Variants in SPICE1 observed in about 807,000 individuals in gnomAD.
SPICE1 encodes the protein spindle and centriole-associated protein 1.
A neutral mutation model predicts 102.7 loss-of-function variants in SPICE1; 75 were observed. The ratio of observed to expected loss-of-function variants is 0.73; its 90% CI spans 0.61 to 0.88. The LOEUF (loss-of-function observed/expected upper bound fraction) is 0.88. Among genes scored for constraint, SPICE1 ranks in the 40% least tolerant of loss-of-function variants. SPICE1 has a pLI of 0.00. For missense variants in SPICE1, 979 were observed against 1,020.1 expected, an observed-to-expected ratio of 0.96 and a Z score of 0.55; for synonymous variants, 308 against 350.3, an observed-to-expected ratio of 0.88 and a Z score of 1.35.
At chr3:113,467,569 T>C (rs532996785) in intron 10 of SPICE1, among the ~76,000 whole-genome samples, 128 of 152,342 alleles carry the variant, frequency 8.4e-4, no homozygotes, top group African/African-American at 2.8e-3. Flanking sequence ...GCTGGGATTA[T>C]AGGTTATAGG....
chr3:113,469,487 T>G (rs1052874884), intron 7 of SPICE1, among the ~76,000 whole-genome samples: 5 of 146,730 alleles, frequency 3.4e-5, no homozygotes, highest in African/African-American at 1.2e-4. Flanking sequence ...ATAAAATATA[T>G]TCTATATTAC....
chr3:113,485,176 GTT>G (rs1422898555), intron 7 of SPICE1, among the ~76,000 whole-genome samples: 5 of 139,526 alleles, frequency 3.6e-5, no homozygotes, highest in Admixed American at 7.2e-5. Context: ...AGTTTTGTTT[GTT>G]TTTTTTTTTT....
chr3:113,494,058 T>A lies in SPICE1; in HGVS notation c.376A>T (p.Arg126Trp). 6.2e-7 allele frequency: 1 copy of A among 1,609,892 alleles called. No individual in the cohort carries two copies. Among genetic ancestry groups the A allele is most frequent in the Non-Finnish European group, 8.5e-7 (1 of 1,178,062 alleles). Residue 126 changes from arginine to tryptophan, a missense_variant, in exon 5 of 18, where the codon AGG becomes TGG. Arg to Trp is a moderately radical substitution (Grantham distance 101). Transcript: ENST00000295872. ...TGTTTGAATTGAATACCTGTGCGCC[T>A]ACGAGGAAACAGCTCTTTTGCTGCA... Reference protein sequence around the residue: ...IAAAKELFPRRRTGFPNVTVA... With the variant: ...IAAAKELFPRWRTGFPNVTVA...
At chr3:113,445,612 A>T (rs1251452097) in intron 17 of SPICE1, among the ~76,000 whole-genome samples, 1 of 152,190 alleles carries the variant, frequency 6.6e-6, no homozygotes, top group East Asian at 1.9e-4. Flanking sequence ...TTTTATAGCT[A>T]TCATAGGCAT....
chr3:113,505,097 T>A (rs191003395), intron 2 of SPICE1, among the ~76,000 whole-genome samples: 2 of 152,206 alleles, frequency 1.3e-5, no homozygotes, highest in African/African-American at 4.8e-5. Flanking sequence ...TCCCACCTAA[T>A]TGGCTCTCCA....
chr3:113,492,778 GAACA>G (rs574163485), intron 6 of SPICE1, among the ~76,000 whole-genome samples: 192 of 152,216 alleles, frequency 1.3e-3, no homozygotes, highest in African/African-American at 4.4e-3. Flanking sequence ...ATCAGCTCAA[GAACA>G]AACAGCTAGT....
intron 11 of SPICE1, among the ~76,000 whole-genome samples, chr3:113,461,420 G>A (rs962633140): frequency 2.6e-5 from 4 of 151,494 alleles, no homozygotes; most frequent in Admixed American, 2.6e-4. Context: ...TTACTTTCTG[G>A]CACAGAGCTG....
At chr3:113,469,761 C>T (rs1342473306) in intron 7 of SPICE1, among the ~76,000 whole-genome samples, 9 of 152,114 alleles carry the variant, frequency 5.9e-5, no homozygotes, top group Admixed American at 4.6e-4. Context: ...CAGTTTCCTA[C>T]CTACCTTGGT....
At chr3:113,487,032 A>G (rs556222756) in intron 7 of SPICE1, among the ~76,000 whole-genome samples, 10 of 152,086 alleles carry the variant, frequency 6.6e-5, no homozygotes, top group African/African-American at 2.2e-4. Context: ...TTTTTGTATA[A>G]TTTTGTCAAA....
At chr3:113,507,164 AT>A (rs992077579) in intron 1 of SPICE1, among the ~76,000 whole-genome samples, 2 of 152,120 alleles carry the variant, frequency 1.3e-5, no homozygotes, top group Non-Finnish European at 2.9e-5. Context: ...CTAATTATTG[AT>A]TTTTTTCTAT....
chr3:113,458,668 C>A lies in SPICE1; in HGVS notation c.1436-1311G>T, dbSNP rs151132134. 2.0e-5 allele frequency among the ~76,000 whole-genome samples: 3 copies of A among 152,142 alleles called. No homozygotes were observed. The East Asian group carries it at 5.8e-4, about 29-fold the overall frequency. On this transcript the variant is annotated intron_variant, in intron 12 of 17. Coordinates refer to ENST00000295872, the MANE Select transcript of SPICE1 (RefSeq NM_144718.4). ...GAAGTGAGGAGCGTCTCTGCCTGGC[C>A]GCCCGTCGTCTGGGATGTAAGGAGC...
intron 4 of SPICE1, chr3:113,499,236 G>A (rs1308542977): frequency 2.2e-6 from 1 of 445,580 alleles, no homozygotes. Context: ...TCACACAGCT[G>A]GTAAGTAGTA....
At chr3:113,495,628 A>G (rs1443780007) in intron 4 of SPICE1, among the ~76,000 whole-genome samples, 1 of 152,218 alleles carries the variant, frequency 6.6e-6, no homozygotes, top group Non-Finnish European at 1.5e-5. Flanking sequence ...ATACCACTCT[A>G]GAGATGTTTC....
chr3:113,459,048 G>A (rs1349678607), intron 12 of SPICE1, among the ~76,000 whole-genome samples: 1 of 152,160 alleles, frequency 6.6e-6, no homozygotes, highest in Non-Finnish European at 1.5e-5. Context: ...GTAGACATAG[G>A]AGACTCCATT....
At chr3:113,448,871 G>C (rs912054779) in intron 15 of SPICE1, 2 of 151,958 alleles carry the variant, frequency 1.3e-5, no homozygotes, top group Non-Finnish European at 2.9e-5. Flanking sequence ...TATCATTATA[G>C]TCCACAGCAG....
In SPICE1 at chr3:113,459,504, C is replaced by A. The variant is rs1033740310; in HGVS notation, c.1435+1113G>T. 4 of 983,438 alleles carry A rather than the reference C, an allele frequency of 4.1e-6. No homozygotes were observed. The African/African-American group carries it at 7.0e-5, about 17-fold the overall frequency. The allele number at this position is 983,438 out of a possible 1,614,324, so 60.9% of individuals were successfully genotyped here. On this transcript the variant is annotated intron_variant, in intron 12 of 17. Coordinates refer to ENST00000295872, the MANE Select transcript of SPICE1 (RefSeq NM_144718.4). ...ATATATTTACTCCCAGCCCTTCTTACCTATAGGATAATTAAAAGCTTTCTC... is the reference window on the plus strand; with the variant it reads ...ATATATTTACTCCCAGCCCTTCTTAACTATAGGATAATTAAAAGCTTTCTC...
At chr3:113,501,779 T>G (rs1399678821) in intron 3 of SPICE1, among the ~76,000 whole-genome samples, 1 of 152,222 alleles carries the variant, frequency 6.6e-6, no homozygotes, top group African/African-American at 2.4e-5. Context: ...GTGAGGAAAC[T>G]GGAAGCCTCA....
rs112782953 is a variant in SPICE1 at position 113,448,929 on chromosome 3, T to C, written c.2324-789A>G. Reference sequence around the variant, plus strand: ...AATTTTACTTATAAAAAGAATACTTTAGAGATAAATCACTGGACAGGAAAG... The same window carrying C: ...AATTTTACTTATAAAAAGAATACTTCAGAGATAAATCACTGGACAGGAAAG... On this transcript the variant is annotated intron_variant, in intron 15 of 17. Transcript: ENST00000295872. 8.3e-3 allele frequency: 1,263 copies of C among 152,316 alleles called. 20 individuals are homozygous for C. The highest frequency in any genetic ancestry group is 0.029 in the African/African-American group (1,200 of 41,560). 9.4% of individuals were successfully genotyped at this position (152,316 alleles called of 1,614,324 possible). A position where few individuals can be genotyped will look rare whatever the true frequency, so the allele number is the denominator to read the frequency against.
intron 16 of SPICE1, 39 bp from the exon 17 acceptor site, chr3:113,446,715 A>G: frequency 1.4e-6 from 2 of 1,471,430 alleles, no homozygotes; most frequent in East Asian, 2.3e-5. Context: ...AGAGTGAGCT[A>G]TCATTATTAA....
Sources: allele counts gnomAD v4.1 joint callset (sites outside exome capture counted in the v4.1 genomes callset), GRCh38; gene constraint gnomAD v4.1.1; transcripts MANE v1.5; gene names NCBI Gene and HGNC (gene_info 2026-07-23, HGNC 2026-07-21).